FAM161B: variants seen among roughly 807,000 people sequenced by gnomAD.
FAM161B encodes protein FAM161B.
A neutral mutation model predicts 61.5 loss-of-function variants in FAM161B; 46 were observed. The ratio of observed to expected loss-of-function variants is 0.75; its 90% confidence interval spans 0.59 to 0.96. The LOEUF is 0.96. FAM161B is among the 40% of genes least tolerant of loss of function. The pLI is 0.00. For synonymous variants in FAM161B, 284 were observed against 302.7 expected, an observed-to-expected ratio of 0.94 and a Z score of 0.64; for missense variants, 774 against 800.7, an observed-to-expected ratio of 0.97 and a Z score of 0.40.
rs1355813154 is a variant in FAM161B at position 73,946,624 on chromosome 14, A to G, written c.55-19T>C. Reference sequence around the variant, plus strand: ...GAAATATCTAAAATAGAATAGAAATAGGCTGTGGGTCAAACAATAATTTCA... The same window carrying G: ...GAAATATCTAAAATAGAATAGAAATGGGCTGTGGGTCAAACAATAATTTCA... On this transcript the variant is annotated intron_variant, in intron 1 of 8. Transcript: ENST00000286544. The G allele has an allele frequency of 6.2e-7, 1 of 1,602,012 alleles. No homozygotes were observed. The highest frequency in any genetic ancestry group is 8.5e-7 in the Non-Finnish European group (1 of 1,171,724).
In FAM161B at chr14:73,940,994, A is replaced by C; in HGVS notation, c.1332T>G (p.Ala444=). 1 of 1,613,666 alleles carries C rather than the reference A, an allele frequency of 6.2e-7. No individual in the cohort carries two copies. The highest frequency in any genetic ancestry group is 1.1e-5 in the South Asian group (1 of 91,082). ...CAGGGAGAGTGTTGGCAGAGAGGGA[A>C]GCAAGGCCGCTCAGAGAACGACTCC... The part of the protein sequence containing the change: ...LPRSRSLSGL[A]SLSANTLPVH... The change falls in exon 5 of 9, where the codon GCT becomes GCG. Residue 444 remains alanine, a synonymous_variant. Transcript: ENST00000286544.
At chr14:73,934,448 G>T (rs982917625) in intron 8 of FAM161B, 54 bp from the exon 9 acceptor site, 2 of 1,541,516 alleles carry the variant, frequency 1.3e-6, no homozygotes, top group African/African-American at 1.4e-5. Context: ...TTCAGACAGG[G>T]TCTCACTCTC....
rs750117896 is a variant in FAM161B, at chr14:73,944,441, T to C, written c.819A>G (p.Arg273=). ...CAGCTGTGGCTGCCAAGTCTCTCTGTCGAGCAGCTTCCTTTAGCTGCTCCT... is the reference window on the plus strand; with the variant it reads ...CAGCTGTGGCTGCCAAGTCTCTCTGCCGAGCAGCTTCCTTTAGCTGCTCCT... The part of the protein sequence containing the change: ...EKEEQLKEAA[R]QRDLAATAEA... The change falls in exon 3 of 9, where the codon CGA becomes CGG. Residue 273 remains arginine (R), a synonymous_variant. Coordinates refer to ENST00000286544, the MANE Select transcript of FAM161B (RefSeq NM_152445.3). The C allele has an allele frequency of 1.2e-6, 2 of 1,613,484 alleles. No homozygotes were observed. Among genetic ancestry groups the C allele is most frequent in the African/African-American group, 2.7e-5 (2 of 74,878 alleles).
At chr14:73,937,874 A>G in intron 6 of FAM161B, 74 bp downstream of exon 6, 1 of 1,592,440 alleles carries the variant, frequency 6.3e-7, no homozygotes, top group Non-Finnish European at 8.5e-7. Flanking sequence ...TCTATTTTGC[A>G]TTTTCTGGCA....
chr14:73,936,850 T>C (rs1033067961), intron 7 of FAM161B, among the ~76,000 whole-genome samples: 46 of 152,162 alleles, frequency 3.0e-4, no homozygotes, highest in Non-Finnish European at 8.8e-5. Context: ...ACTAGGTCAC[T>C]ATGGAACCCC....
At chr14:73,943,457 C>T (rs1032450336) in intron 3 of FAM161B, among the ~76,000 whole-genome samples, 5 of 152,164 alleles carry the variant, frequency 3.3e-5, no homozygotes, top group Admixed American at 6.5e-5. Context: ...GACTCGCCAA[C>T]GTGGCTTGCA....
In FAM161B at chr14:73,944,534, C is replaced by T. The variant is rs989964698; in HGVS notation, c.726G>A (p.Gln242=). 6.2e-7 allele frequency: 1 copy of T among 1,614,058 alleles called. No individual in the cohort carries two copies. Among genetic ancestry groups the T allele is most frequent in the African/African-American group, 1.3e-5 (1 of 74,930 alleles). Residue 242 remains glutamine (Q), a synonymous_variant, in exon 3 of 9, where the codon CAG becomes CAA. Transcript: ENST00000286544. ...GTTCCTTCCTCTTCTGGATCCCTGC[C>T]TGCCTTCGGGCCTCGCTGCGCTCCA... is the stretch of plus-strand genomic sequence containing the variant. ...EIMERSEARR[Q]AGIQKRKELL...
intron 7 of FAM161B, among the ~76,000 whole-genome samples, chr14:73,936,590 A>G (rs979746250): frequency 4.6e-5 from 7 of 152,252 alleles, no homozygotes; most frequent in African/African-American, 7.2e-5. Flanking sequence ...ATTCAAGAAC[A>G]AAATCATAGA....
At position 73,939,070 on chromosome 14, in the gene FAM161B, G is replaced by A. The variant is rs554640969; in HGVS notation, c.1401-958C>T. Among the ~76,000 whole-genome samples, 41 of 152,068 alleles carry A rather than the reference G, an allele frequency of 2.7e-4. No homozygotes were observed. In the East Asian group the frequency reaches 4.4e-3, roughly 17 times the overall value. On this transcript the variant is annotated intron_variant, in intron 5 of 8. Transcript: ENST00000286544. ...TCTCAGCACTTTGGGAGGCTGAGGC[G>A]GGCTGATCACAAGGTCAGGAGTTCG...
intron 3 of FAM161B, 150 bp from the exon 4 acceptor site, chr14:73,942,865 G>T: frequency 1.6e-6 from 1 of 634,128 alleles, no homozygotes; most frequent in Non-Finnish European, 2.7e-6. Context: ...CATCCTGTGA[G>T]ATGCCTGCAG....
Position 73,936,038 on chromosome 14 carries a change from C to T in FAM161B, c.1716G>A (p.Gln572=). The T allele has an allele frequency of 1.2e-6, 2 of 1,613,972 alleles. No individual in the cohort carries two copies. Among genetic ancestry groups the T allele is most frequent in the Non-Finnish European group, 8.5e-7 (1 of 1,179,908 alleles). ...AEQWYLDTLK[Q]AGLEEDFVRN... ...TCACAAAGTCTTCCTCCAGCCCAGC[C>T]TGCTTCAGGGTGTCTAGATACCACT... is the stretch of plus-strand genomic sequence containing the variant. Residue 572 remains glutamine, a synonymous_variant, in exon 8 of 9, where the codon CAG becomes CAA. Transcript: ENST00000286544.
Position 73,934,354 on chromosome 14 carries a change from G to C in FAM161B, c.1846C>G (p.Gln616Glu). The change falls in exon 9 of 9, where the codon CAG becomes GAG. Residue 616 changes from glutamine (Q) to glutamate (E), a missense_variant. Physicochemically the swap from Gln to Glu is conservative, Grantham distance 29. Coordinates refer to ENST00000286544, the MANE Select transcript of FAM161B (RefSeq NM_152445.3). ...TTKLSIRDPEQGLEGSLEQPA... is the reference protein window; with the variant it reads ...TTKLSIRDPEEGLEGSLEQPA... ...TGTTCTAGAGATCCTTCTAAACCCT[G>C]CTCTGGATCTCTGATGCTGAGTTTT... The C allele has an allele frequency of 2.5e-6, 4 of 1,613,696 alleles. No individual in the cohort carries two copies. The highest frequency in any genetic ancestry group is 3.4e-6 in the Non-Finnish European group (4 of 1,179,926).
At chr14:73,931,938 C>T, downstream of FAM161B, 1 of 457,318 alleles carries the variant, frequency 2.2e-6, no homozygotes, top group Non-Finnish European at 4.4e-6. Context: ...ATTCCTGCTA[C>T]CAACAACAGA....
intron 5 of FAM161B, among the ~76,000 whole-genome samples, chr14:73,940,489 T>A (rs2056008392): frequency 1.3e-5 from 2 of 152,220 alleles, no homozygotes; most frequent in Non-Finnish European, 2.9e-5. Flanking sequence ...CCAGGCTTTG[T>A]CTGGCGAACT....
At position 73,944,743 on chromosome 14, in the gene FAM161B, G is replaced by A. The variant is rs778270399; in HGVS notation, c.517C>T (p.Arg173Trp). Residue 173 changes from arginine to tryptophan, a missense_variant, in exon 3 of 9, where the codon CGG becomes TGG. Transcript: ENST00000286544. ...TCGCGCAGCGTCATGCGGAATGGCC[G>A]AGGGACAGTAATGGATGATGCCCAG... ...SSWASSITVPRPFRMTLREAR... is the reference protein window; with the variant it reads ...SSWASSITVPWPFRMTLREAR... The A allele has an allele frequency of 1.1e-5, 18 of 1,599,144 alleles. No homozygotes were observed. The highest frequency in any genetic ancestry group is 6.7e-5 in the African/African-American group (5 of 74,672).
the FAM161B span, chr14:73,923,519 A>G: frequency 4.3e-6 from 7 of 1,612,736 alleles, no homozygotes; most frequent in Middle Eastern, 1.7e-4. Context: ...TAAATCCACA[A>G]GAGGTAAAGT....
In FAM161B at chr14:73,940,875, G is replaced by T. The variant is rs776037158; in HGVS notation, c.1400+51C>A. On this transcript the variant is annotated intron_variant, in intron 5 of 8. Coordinates refer to ENST00000286544, the MANE Select transcript of FAM161B (RefSeq NM_152445.3). ...AGGCCCCTTGGCAGGGAGGTTTCCA[G>T]CATTTGGGGCCAGAATCAGAGCATG... is the stretch of plus-strand genomic sequence containing the variant. 3 of 1,558,086 alleles carry T rather than the reference G, an allele frequency of 1.9e-6. No homozygotes were observed. The Admixed American group carries it at 6.0e-5, about 31-fold the overall frequency.
intron 2 of FAM161B, 110 bp from the exon 3 acceptor site, chr14:73,944,995 G>GC (rs1467602282): frequency 3.4e-6 from 3 of 882,702 alleles, no homozygotes; most frequent in Non-Finnish European, 4.8e-6. Flanking sequence ...TGGCTGCTCA[G>GC]CCTAACACCA....
At chr14:73,929,784 T>A (rs1487506911), downstream of FAM161B, among the ~76,000 whole-genome samples, 1 of 151,376 alleles carries the variant, frequency 6.6e-6, no homozygotes, top group Non-Finnish European at 1.5e-5. Context: ...GCCACTACAC[T>A]GCAGTCTGGG....
Sources: gnomAD v4.1 joint callset for allele counts (sites outside exome capture counted in the v4.1 genomes callset) on GRCh38, gnomAD v4.1.1 for gene constraint, MANE v1.5 for transcripts, NCBI Gene and HGNC (gene_info 2026-07-23, HGNC 2026-07-21) for gene names.